SPTBN4: variants seen among roughly 807,000 people sequenced by gnomAD.
SPTBN4 encodes the protein spectrin beta chain, non-erythrocytic 4.
In SPTBN4, 96 loss-of-function variants were observed where a neutral mutation model predicts 277.8. The observed-to-expected ratio is 0.35, with a 90% confidence interval of 0.29 to 0.41. The LOEUF (loss-of-function observed/expected upper bound fraction) is 0.41. Ranked by LOEUF, SPTBN4 falls within the 10% of genes least tolerant of loss-of-function variation. SPTBN4 has a pLI of 1.00. For missense variants in SPTBN4, 3,006 were observed against 3,595.7 expected, an observed-to-expected ratio of 0.84 and a Z score of 4.19; for synonymous variants, 1,481 against 1,580.3, an observed-to-expected ratio of 0.94 and a Z score of 1.49.
chr19:40,504,964 AGAG>A (rs2080308694), intron 12 of SPTBN4, among the ~76,000 whole-genome samples: 2 of 152,124 alleles, frequency 1.3e-5, no homozygotes, highest in Non-Finnish European at 2.9e-5. Context: ...AGAGACAGAG[AGAG>A]GAGAAGGCAG....
At chr19:40,468,124 T>G (rs1356354034) in intron 1 of SPTBN4, among the ~76,000 whole-genome samples, 1 of 150,980 alleles carries the variant, frequency 6.6e-6, no homozygotes, top group Non-Finnish European at 1.5e-5. Flanking sequence ...GTCACCCAAG[T>G]TGGAGTGTAA....
chr19:40,558,534 GC>G (rs1308703014), intron 26 of SPTBN4, among the ~76,000 whole-genome samples: 4 of 152,150 alleles, frequency 2.6e-5, no homozygotes, highest in Non-Finnish European at 2.9e-5. Flanking sequence ...GAAGCTGCAG[GC>G]CCAATACAAC....
intron 2 of SPTBN4, among the ~76,000 whole-genome samples, chr19:40,473,113 C>A (rs2079905317): frequency 6.6e-6 from 1 of 151,996 alleles, no homozygotes; most frequent in East Asian, 1.9e-4. Context: ...GTGGTGAGAT[C>A]TTGGGTCACT....
intron 20 of SPTBN4, among the ~76,000 whole-genome samples, chr19:40,542,991 CCTT>C (rs2080818821): frequency 6.6e-6 from 1 of 152,140 alleles, no homozygotes; most frequent in African/African-American, 2.4e-5. Flanking sequence ...TCACAAATCT[CCTT>C]GTCTTCATTT....
intron 2 of SPTBN4, among the ~76,000 whole-genome samples, chr19:40,485,891 T>C (rs1024734134): frequency 1.3e-5 from 2 of 150,588 alleles, no homozygotes; most frequent in African/African-American, 2.5e-5. Flanking sequence ...TGATGGAGCA[T>C]GAAAAGATGC....
At chr19:40,500,657 T>C (rs2145844606) in intron 7 of SPTBN4, among the ~76,000 whole-genome samples, 1 of 152,144 alleles carries the variant, frequency 6.6e-6, no homozygotes, top group South Asian at 2.1e-4. Flanking sequence ...CTGTCTATGT[T>C]TTATAAAAAA....
In SPTBN4 at chr19:40,513,116, A is replaced by C; in HGVS notation, c.2327A>C (p.His776Pro). ...ERRLQEARAL[H>P]QFGADLDGLL... ...CGGCTGCAGGAGGCGCGGGCGCTGC[A>C]CCAGTTCGGCGCTGACCTCGACGGG... Residue 776 changes from histidine to proline, a missense_variant, in exon 14 of 36, where the codon CAC (histidine) becomes CCC (proline). Around this residue, in one of 5 missense-constraint regions of SPTBN4, gnomAD observed 1,759 missense variants for 2,061.5 expected, o/e 0.85. Coordinates refer to ENST00000598249, the MANE Select transcript of SPTBN4 (RefSeq NM_020971.3). 1 of 1,465,022 alleles carries C rather than the reference A, an allele frequency of 6.8e-7. No individual in the cohort carries two copies. Among genetic ancestry groups the C allele is most frequent in the Non-Finnish European group, 9.0e-7 (1 of 1,116,922 alleles). 90.8% of individuals were successfully genotyped at this position (1,465,022 alleles called of 1,614,324 possible).
intron 25 of SPTBN4, 123 bp from the exon 26 acceptor site, chr19:40,556,900 C>T: frequency 7.7e-7 from 1 of 1,298,968 alleles, no homozygotes; most frequent in Non-Finnish European, 1.0e-6. Flanking sequence ...TGCACGCCAA[C>T]CTGGGCGACA....
chr19:40,570,397 T>C, intron 32 of SPTBN4, 39 bp from the exon 33 acceptor site: 7 of 1,462,010 alleles, frequency 4.8e-6, no homozygotes, highest in South Asian at 2.6e-5. Context: ...CCACACCCTC[T>C]CCATGGACAG....
Position 40,512,825 on chromosome 19 carries a change from C to T in SPTBN4, c.2036C>T (p.Ala679Val), listed in dbSNP as rs1175959793. 1 of 1,449,342 alleles carries T rather than the reference C, an allele frequency of 6.9e-7. No homozygotes were observed. The highest frequency in any genetic ancestry group is 2.8e-5 in the East Asian group (1 of 35,308). The allele number at this position is 1,449,342 out of a possible 1,614,324, so 89.8% of individuals were successfully genotyped here. A position where few individuals can be genotyped will look rare whatever the true frequency, so the allele number is the denominator to read the frequency against. ...GGCGGCGGCGGTGCGGCGGGCGCAG[C>T]GGGCGCAGCGGGAACAGCGGGCGGC... The part of the protein sequence containing the change: ...AAGGGGAAGA[A>V]GAAGTAGGAH... Residue 679 changes from alanine to valine, a missense_variant, in exon 14 of 36, where the codon GCG becomes GTG. Coordinates refer to ENST00000598249, the MANE Select transcript of SPTBN4 (RefSeq NM_020971.3).
At chr19:40,514,962 G>A (rs938946411) in intron 14 of SPTBN4, among the ~76,000 whole-genome samples, 10 of 152,090 alleles carry the variant, frequency 6.6e-5, no homozygotes, top group Non-Finnish European at 1.5e-4. Context: ...AAAGTTAGCT[G>A]GGCGTGGTGG....
At chr19:40,496,870 C>T (rs919044613) in intron 6 of SPTBN4, among the ~76,000 whole-genome samples, 9 of 151,694 alleles carry the variant, frequency 5.9e-5, no homozygotes, top group Admixed American at 1.3e-4. Context: ...GTCAGGAGTT[C>T]GAGACCAGCC....
intron 22 of SPTBN4, among the ~76,000 whole-genome samples, chr19:40,553,453 CCT>C (rs2080940981): frequency 6.6e-6 from 1 of 152,008 alleles, no homozygotes; most frequent in Non-Finnish European, 1.5e-5. Flanking sequence ...AGAGTGACAC[CCT>C]GTCTCTAAAA....
intron 15 of SPTBN4, among the ~76,000 whole-genome samples, chr19:40,518,907 T>C (rs2080490570): frequency 6.6e-6 from 1 of 152,262 alleles, no homozygotes; most frequent in East Asian, 1.9e-4. Flanking sequence ...ATCTCACGTC[T>C]TAAAAAAATT....
In SPTBN4 at chr19:40,515,341, C is replaced by A; in HGVS notation, c.2796C>A (p.Ser932Arg). The change falls in exon 15 of 36, where the codon AGC becomes AGA. Residue 932 changes from serine (S) to arginine (R), a missense_variant. Physicochemically the swap from Ser to Arg is moderately radical, Grantham distance 110. Transcript: ENST00000598249. This position sits in a 1 kb window ranked among gnomAD's most constrained non-coding sequence, Gnocchi z 4.1. ...AGAGCCTGGACCAAGAGATGAACAG[C>A]CTGATGGGCCGCGTTCTGGACGTGA... ...RFESLDQEMN[S>R]LMGRVLDVNH... The A allele has an allele frequency of 6.2e-7, 1 of 1,612,198 alleles. No homozygotes were observed. Among genetic ancestry groups the A allele is most frequent in the Non-Finnish European group, 8.5e-7 (1 of 1,179,368 alleles).
chr19:40,467,117 T>G lies in SPTBN4; in HGVS notation c.-204T>G, dbSNP rs1171316635. 6.7e-6 allele frequency: 1 copy of G among 148,652 alleles called. No individual in the cohort carries two copies. The highest frequency in any genetic ancestry group is 2.0e-4 in the East Asian group (1 of 5,098). The allele number at this position is 148,652 out of a possible 1,614,324, so 9.2% of individuals were successfully genotyped here. ...GCGGGAGGGGGTCCCGGGGGCGCGC[T>G]GAGCGCGGCGGCGGCGCGAGAGAGG... On this transcript the variant is annotated 5_prime_UTR_variant, in exon 1 of 36. Coordinates refer to ENST00000598249, the MANE Select transcript of SPTBN4 (RefSeq NM_020971.3).
chr19:40,537,008 T>C (rs559041713), intron 20 of SPTBN4, among the ~76,000 whole-genome samples: 1 of 151,718 alleles, frequency 6.6e-6, no homozygotes, highest in Admixed American at 6.6e-5. Flanking sequence ...TCTCTATTTA[T>C]TGAACTAAAA....
rs762753457 is a variant in SPTBN4 at position 40,554,659 on chromosome 19, G to A, written c.5084+13G>A. 1.9e-5 allele frequency: 30 copies of A among 1,591,058 alleles called. No homozygotes were observed. In the African/African-American group the frequency reaches 3.1e-4, roughly 16 times the overall value. On this transcript the variant is annotated intron_variant, in intron 24 of 35. Coordinates refer to ENST00000598249, the MANE Select transcript of SPTBN4 (RefSeq NM_020971.3). This position sits in a 1 kb window ranked among gnomAD's most constrained non-coding sequence, Gnocchi z 5.7. ...GGCACCCGGACAGGTGGGCGGGCGCGTGGCCAGTTCACAGGAATGGTCCAG... is the reference window on the plus strand; with the variant it reads ...GGCACCCGGACAGGTGGGCGGGCGCATGGCCAGTTCACAGGAATGGTCCAG...
Position 40,560,818 on chromosome 19 carries a change from C to A in SPTBN4, c.5915+415C>A. 1 of 969,378 alleles carries A rather than the reference C, an allele frequency of 1.0e-6. No homozygotes were observed. The highest frequency in any genetic ancestry group is 1.3e-6 in the Non-Finnish European group (1 of 777,378). The allele number at this position is 969,378 out of a possible 1,614,324, so 60.0% of individuals were successfully genotyped here. ...CACATAGTGGTTGGATGTGAGTGTC[C>A]AGCAGAATCCTGTCCCCTGGTGATT... is the stretch of plus-strand genomic sequence containing the variant. On this transcript the variant is annotated intron_variant, in intron 27 of 35. Coordinates refer to ENST00000598249, the MANE Select transcript of SPTBN4 (RefSeq NM_020971.3). This position sits in a 1 kb window ranked among gnomAD's most constrained non-coding sequence, Gnocchi z 5.2.
Sources: allele counts gnomAD v4.1 joint callset (sites outside exome capture counted in the v4.1 genomes callset), GRCh38; gene constraint gnomAD v4.1.1; regional missense constraint gnomAD v4.1.1; non-coding constraint Gnocchi (gnomAD v3.1); transcripts MANE v1.5; gene names NCBI Gene and HGNC (gene_info 2026-07-23, HGNC 2026-07-21).